Variants in UBE2E2 observed in about 807,000 individuals in gnomAD.
UBE2E2 encodes ubiquitin conjugating enzyme E2 E2.
A neutral mutation model predicts 24.7 loss-of-function variants in UBE2E2; 6 were observed. The observed-to-expected ratio is 0.24, with a 90% CI of 0.13 to 0.48. UBE2E2 has a LOEUF of 0.48. Ranked by LOEUF, UBE2E2 falls within the 20% of genes least tolerant of loss-of-function variation. The pLI is 0.99. For synonymous variants in UBE2E2, 104 were observed against 83.6 expected, an observed-to-expected ratio of 1.24 and a Z score of -1.33; for missense variants, 169 against 245.0, an observed-to-expected ratio of 0.69 and a Z score of 2.07.
chr3:23,309,177 T>C (rs143320233), intron 3 of UBE2E2, among the ~76,000 whole-genome samples: 2 of 152,290 alleles, frequency 1.3e-5, no homozygotes, highest in African/African-American at 2.4e-5. Flanking sequence ...GGGTGCCTTG[T>C]TATATTTCCC....
At chr3:23,480,572 A>T (rs1394027260) in intron 3 of UBE2E2, among the ~76,000 whole-genome samples, 2 of 151,740 alleles carry the variant, frequency 1.3e-5, no homozygotes, top group Non-Finnish European at 2.9e-5. Flanking sequence ...TGGCATCCGT[A>T]CAGCAGCTGC....
rs571202776 is a variant in UBE2E2, at chr3:23,274,866, GTT to G, written c.227+57557_227+57558del. Among the ~76,000 whole-genome samples, 708 of 152,136 alleles carry G rather than the reference GTT, an allele frequency of 4.7e-3. 4 individuals carry two copies. The highest frequency in any genetic ancestry group is 0.016 in the African/African-American group (664 of 41,516). On this transcript the variant is annotated intron_variant, in intron 3 of 5. Coordinates refer to ENST00000396703, the MANE Select transcript of UBE2E2 (RefSeq NM_152653.4). Reference sequence around the variant, plus strand: ...AAATAGTATCCCTTTTTTTTGAAGAGTTTTGATAAATATTGCCTAATTGCCCT... The same window carrying G: ...AAATAGTATCCCTTTTTTTTGAAGAGTTGATAAATATTGCCTAATTGCCCT...
chr3:23,244,180 G>A (rs1697327576), intron 3 of UBE2E2, among the ~76,000 whole-genome samples: 1 of 150,342 alleles, frequency 6.7e-6, no homozygotes, highest in African/African-American at 2.4e-5. Context: ...TTAAAAAAAA[G>A]TTTAGGTTTA....
chr3:23,455,853 T>C (rs960941796), intron 3 of UBE2E2, among the ~76,000 whole-genome samples: 60 of 152,192 alleles, frequency 3.9e-4, no homozygotes, highest in African/African-American at 1.4e-3. Flanking sequence ...GCTGTGGTAA[T>C]TTCTTACAAT....
chr3:23,544,606 T>TA (rs1695474952), intron 5 of UBE2E2, among the ~76,000 whole-genome samples: 1 of 152,284 alleles, frequency 6.6e-6, no homozygotes, highest in East Asian at 1.9e-4. Flanking sequence ...GGTGGGAATG[T>TA]AAATTAGTAC....
intron 3 of UBE2E2, among the ~76,000 whole-genome samples, chr3:23,485,546 CAAAA>C (rs542775367): frequency 2.8e-4 from 42 of 147,618 alleles, no homozygotes; most frequent in African/African-American, 8.4e-4. Flanking sequence ...CAAAAACAAA[CAAAA>C]AAAAAACCTC....
rs570031995 is a variant in UBE2E2 at position 23,239,881 on chromosome 3, A to C, written c.227+22569A>C. The stretch of plus-strand genomic sequence containing the variant: ...TTACAGAATGAATTCTTTGAAAAGG[A>C]GTAGGAAAGCAGATCAGTCAGCTTT... On this transcript the variant is annotated intron_variant, in intron 3 of 5. Transcript: ENST00000396703. Among the ~76,000 whole-genome samples, 3 of 152,330 alleles carry C rather than the reference A, an allele frequency of 2.0e-5. No individual in the cohort carries two copies. The South Asian group carries it at 6.2e-4, about 32-fold the overall frequency.
At chr3:23,355,605 TAC>T (rs1695921459) in intron 3 of UBE2E2, among the ~76,000 whole-genome samples, 1 of 152,130 alleles carries the variant, frequency 6.6e-6, no homozygotes, top group Non-Finnish European at 1.5e-5. Flanking sequence ...GTTTAGAAAA[TAC>T]AGTTACTTTT....
intron 3 of UBE2E2, among the ~76,000 whole-genome samples, chr3:23,374,620 C>T (rs1256666736): frequency 2.6e-5 from 4 of 152,118 alleles, no homozygotes; most frequent in East Asian, 1.9e-4. Flanking sequence ...TCTCCCCTTT[C>T]GGGATGAAAC....
rs547146180 is a variant in UBE2E2 at position 23,379,952 on chromosome 3, G to C, written c.228-119656G>C. Among the ~76,000 whole-genome samples the C allele has an allele frequency of 7.9e-5, 12 of 152,062 alleles. No individual in the cohort carries two copies. The South Asian group carries it at 2.3e-3, about 29-fold the overall frequency. Reference sequence around the variant, plus strand: ...GAGATAAGTTTGGAAAAGTGAGAAGGAATCAGTGGGGCAGTCTTTCTCCCA... The same window carrying C: ...GAGATAAGTTTGGAAAAGTGAGAAGCAATCAGTGGGGCAGTCTTTCTCCCA... On this transcript the variant is annotated intron_variant, in intron 3 of 5. Coordinates refer to ENST00000396703, the MANE Select transcript of UBE2E2 (RefSeq NM_152653.4).
chr3:23,559,936 G>T (rs1361877248), intron 5 of UBE2E2, among the ~76,000 whole-genome samples: 4 of 152,068 alleles, frequency 2.6e-5, no homozygotes, highest in African/African-American at 7.2e-5. Context: ...TATACCTCAT[G>T]CACATAGTGG....
chr3:23,297,477 A>G (rs933864133), intron 3 of UBE2E2, among the ~76,000 whole-genome samples: 1 of 152,066 alleles, frequency 6.6e-6, no homozygotes, highest in African/African-American at 2.4e-5. Flanking sequence ...ATCTTGAATT[A>G]ATTTTTGTAT....
At chr3:23,208,432 GT>G (rs755911436) in intron 1 of UBE2E2, among the ~76,000 whole-genome samples, 3 of 152,004 alleles carry the variant, frequency 2.0e-5, no homozygotes, top group East Asian at 1.9e-4. Flanking sequence ...TATTTGAGTT[GT>G]TTCCAGTTTT....
chr3:23,559,181 A>T (rs1389735586), intron 5 of UBE2E2, among the ~76,000 whole-genome samples: 1 of 152,172 alleles, frequency 6.6e-6, no homozygotes, highest in Non-Finnish European at 1.5e-5. Context: ...CTAGAGAAAT[A>T]ATTCCTCATT....
At chr3:23,392,247 A>G (rs1464207982) in intron 3 of UBE2E2, among the ~76,000 whole-genome samples, 1 of 152,184 alleles carries the variant, frequency 6.6e-6, no homozygotes, top group East Asian at 1.9e-4. Flanking sequence ...ATGCTAGCAC[A>G]CTCAACCAAT....
At chr3:23,291,907 A>G (rs1339154242) in intron 3 of UBE2E2, among the ~76,000 whole-genome samples, 3 of 120,774 alleles carry the variant, frequency 2.5e-5, no homozygotes, top group Non-Finnish European at 3.2e-5. Context: ...GGCCCAGGCC[A>G]GAGTGCAGTG....
intron 3 of UBE2E2, among the ~76,000 whole-genome samples, chr3:23,343,518 G>T (rs1238859797): frequency 7.0e-6 from 1 of 142,512 alleles, no homozygotes; most frequent in Non-Finnish European, 1.5e-5. Flanking sequence ...AGAGGTTGCA[G>T]TGAGCCGAGA....
intron 5 of UBE2E2, among the ~76,000 whole-genome samples, chr3:23,562,217 G>C (rs562645445): frequency 3.0e-4 from 45 of 152,130 alleles, no homozygotes; most frequent in African/African-American, 9.9e-4. Flanking sequence ...GTCATAGATA[G>C]CTCTTATTAT....
chr3:23,452,527 A>G (rs1210626826), intron 3 of UBE2E2, among the ~76,000 whole-genome samples: 1 of 152,170 alleles, frequency 6.6e-6, no homozygotes, highest in African/African-American at 2.4e-5. Flanking sequence ...AAAATATGGG[A>G]ATTCTAGTGC....
Sources: gnomAD v4.1 joint callset for allele counts (sites outside exome capture counted in the v4.1 genomes callset) on GRCh38, gnomAD v4.1.1 for gene constraint, MANE v1.5 for transcripts, NCBI Gene and HGNC (gene_info 2026-07-23, HGNC 2026-07-21) for gene names.